The following RBFOX1 variants were observed in gnomAD, a reference collection of about 807,000 sequenced individuals.
The protein encoded by RBFOX1 is RNA binding fox-1 homolog 1, also known as RNA binding protein fox-1 homolog 1.
RBFOX1 carries 8 observed loss-of-function variants against 57.7 expected under a neutral mutation model. That is an observed-to-expected ratio of 0.14 (90% confidence interval 0.08 to 0.25). The LOEUF is 0.25. RBFOX1 is among the 10% of genes least tolerant of loss of function. The pLI is 1.00. For synonymous variants in RBFOX1, 326 were observed against 222.4 expected (o/e 1.47, Z -4.15); for missense variants, 611 against 548.5 (o/e 1.11, Z -1.14).
At chr16:5,426,569 G>A (rs1164005390) in intron 1 of RBFOX1, among the ~76,000 whole-genome samples, 1 of 152,118 alleles carries the variant, frequency 6.6e-6, no homozygotes, top group Non-Finnish European at 1.5e-5. Flanking sequence ...CCCTCTTTTT[G>A]TTACTGATTT....
chr16:6,935,133 C>T (rs1159990314), intron 3 of RBFOX1, among the ~76,000 whole-genome samples: 6 of 152,028 alleles, frequency 3.9e-5, no homozygotes, highest in South Asian at 2.1e-4. Flanking sequence ...TTAACCTATT[C>T]GAGTGACCTT....
At chr16:7,498,719 C>T (rs2069567280) in intron 4 of RBFOX1, among the ~76,000 whole-genome samples, 2 of 152,244 alleles carry the variant, frequency 1.3e-5, no homozygotes, top group Admixed American at 6.5e-5. Context: ...CATTTCAACA[C>T]CCAATGACCA....
chr16:7,195,565 G>C (rs1250541925), intron 4 of RBFOX1, among the ~76,000 whole-genome samples: 1 of 152,046 alleles, frequency 6.6e-6, no homozygotes, highest in African/African-American at 2.4e-5. Context: ...TTATTTGTTT[G>C]TTTATTTATT....
At chr16:6,367,472 A>G (rs2185719) in intron 2 of RBFOX1, among the ~76,000 whole-genome samples, 5,214 of 152,030 alleles carry the variant, frequency 0.034, 297 homozygotes, top group African/African-American at 0.12. Flanking sequence ...GGGTTTCACT[A>G]TATTGGTCAG....
intron 3 of RBFOX1, among the ~76,000 whole-genome samples, chr16:6,936,654 C>T (rs534767924): frequency 2.0e-5 from 3 of 151,806 alleles, no homozygotes; most frequent in Non-Finnish European, 4.4e-5. Flanking sequence ...TGACTATGAC[C>T]GCTATTTCAC....
intron 3 of RBFOX1, among the ~76,000 whole-genome samples, chr16:6,668,307 C>A (rs1436746412): frequency 6.6e-6 from 1 of 152,088 alleles, no homozygotes; most frequent in African/African-American, 2.4e-5. Context: ...ATTAGTGATG[C>A]CTGCCAAGGG....
intron 3 of RBFOX1, among the ~76,000 whole-genome samples, chr16:5,804,402 G>A (rs755362370): frequency 1.3e-4 from 20 of 152,206 alleles, no homozygotes; most frequent in Non-Finnish European, 2.4e-4. Flanking sequence ...CTGTAATCCA[G>A]AAGGACGTTA....
intron 3 of RBFOX1, among the ~76,000 whole-genome samples, chr16:6,723,068 G>A (rs540653622): frequency 6.6e-6 from 1 of 152,262 alleles, no homozygotes; most frequent in African/African-American, 2.4e-5. Context: ...GGAGGGGATG[G>A]GCAATGTCCC....
chr16:7,174,378 A>C (rs1417843642), intron 4 of RBFOX1, among the ~76,000 whole-genome samples: 1 of 152,182 alleles, frequency 6.6e-6, no homozygotes, highest in Non-Finnish European at 1.5e-5. Context: ...TGTTACTATG[A>C]ACACTTGTTT....
intron 1 of RBFOX1, among the ~76,000 whole-genome samples, chr16:5,306,817 C>T (rs552478693): frequency 4.6e-5 from 7 of 152,274 alleles, no homozygotes; most frequent in Admixed American, 1.3e-4. Flanking sequence ...GACAAAGCAT[C>T]ACATCACAGC....
At position 5,777,080 on chromosome 16, in the gene RBFOX1, G is replaced by A. The variant is rs28507530; in HGVS notation, c.319-90223G>A. ...TGCCCTGACGTCATCCATTGCTGCT[G>A]GAGCAAATTACTCACACTTTGTGGT... On this transcript the variant is annotated intron_variant, in intron 3 of 19. Coordinates refer to the RBFOX1 transcript ENST00000641259. Among the ~76,000 whole-genome samples, 216 of 152,294 alleles carry A rather than the reference G, an allele frequency of 1.4e-3. 1 individual carries two copies. The highest frequency in any genetic ancestry group is 5.0e-3 in the African/African-American group (209 of 41,556).
At chr16:5,378,210 C>T (rs1268771349) in intron 1 of RBFOX1, among the ~76,000 whole-genome samples, 4 of 151,648 alleles carry the variant, frequency 2.6e-5, no homozygotes, top group Non-Finnish European at 5.9e-5. Flanking sequence ...GAAGTAGGGT[C>T]ACCAGCTGTT....
intron 2 of RBFOX1, among the ~76,000 whole-genome samples, chr16:6,523,488 G>C (rs552023736): frequency 2.6e-5 from 4 of 152,260 alleles, no homozygotes; most frequent in Middle Eastern, 3.4e-3. Context: ...CAGTCTTTCA[G>C]TGGGGTGTGC....
chr16:6,634,805 T>C (rs1040167176), intron 2 of RBFOX1, among the ~76,000 whole-genome samples: 1 of 138,306 alleles, frequency 7.2e-6, no homozygotes, highest in African/African-American at 2.7e-5. Flanking sequence ...CATATATTTG[T>C]ATTATATATA....
At chr16:6,898,122 G>A (rs2067421569) in intron 3 of RBFOX1, among the ~76,000 whole-genome samples, 1 of 152,142 alleles carries the variant, frequency 6.6e-6, no homozygotes, top group Admixed American at 6.5e-5. Flanking sequence ...ACCATATTCA[G>A]GACCAATCTC....
chr16:5,563,544 G>C (rs1172553485), intron 2 of RBFOX1, among the ~76,000 whole-genome samples: 2 of 152,156 alleles, frequency 1.3e-5, no homozygotes, highest in Non-Finnish European at 2.9e-5. Flanking sequence ...ACATTTTACA[G>C]TTAACGCACC....
chr16:7,679,097 T>A (rs2074105431), intron 14 of RBFOX1, among the ~76,000 whole-genome samples: 1 of 152,224 alleles, frequency 6.6e-6, no homozygotes, highest in Non-Finnish European at 1.5e-5. Context: ...AGTAAATTAA[T>A]TAATAAGTAA....
At chr16:7,394,695 G>A (rs770323925) in intron 4 of RBFOX1, among the ~76,000 whole-genome samples, 17 of 152,122 alleles carry the variant, frequency 1.1e-4, no homozygotes, top group Non-Finnish European at 2.1e-4. Context: ...ACCACGCCAG[G>A]GTTTCATGTG....
At chr16:5,464,533 C>T (rs1251229819) in intron 1 of RBFOX1, among the ~76,000 whole-genome samples, 1 of 152,158 alleles carries the variant, frequency 6.6e-6, no homozygotes, top group Non-Finnish European at 1.5e-5. Context: ...GACAGGGGAC[C>T]AAGGGTCCTT....
Sources: gnomAD v4.1 joint callset for allele counts (sites outside exome capture counted in the v4.1 genomes callset) on GRCh38, gnomAD v4.1.1 for gene constraint, MANE v1.5 for transcripts, NCBI Gene and HGNC (gene_info 2026-07-23, HGNC 2026-07-21) for gene names.